The following DLGAP1 variants were observed in gnomAD, a reference collection of about 807,000 sequenced individuals.
DLGAP1 encodes disks large-associated protein 1.
DLGAP1 carries 11 observed loss-of-function variants against 90.8 expected under a neutral mutation model. That is an observed-to-expected ratio of 0.12 (90% CI 0.08 to 0.20). The LOEUF (loss-of-function observed/expected upper bound fraction) is 0.20, where lower values mean the gene tolerates loss of function less well. Among genes scored for constraint, DLGAP1 ranks in the 10% least tolerant of loss-of-function variants. The probability of loss-of-function intolerance (pLI) is 1.00; values close to 1 mark genes in which losing one functional copy is unlikely to be tolerated. For missense variants in DLGAP1, 1,050 were observed against 1,333.8 expected, an observed-to-expected ratio of 0.79 and a Z score of 3.31; for synonymous variants, 558 against 540.7, an observed-to-expected ratio of 1.03 and a Z score of -0.44.
At chr18:3,977,105 C>T (rs1740437675) in intron 3 of DLGAP1, among the ~76,000 whole-genome samples, 1 of 152,114 alleles carries the variant, frequency 6.6e-6, no homozygotes, top group Admixed American at 6.5e-5. Flanking sequence ...GACAGAGTCT[C>T]ACTCTGTCGC....
chr18:3,802,744 G>A (rs570765974), intron 5 of DLGAP1, among the ~76,000 whole-genome samples: 2 of 152,326 alleles, frequency 1.3e-5, no homozygotes, highest in East Asian at 3.9e-4. Context: ...TGGAGACAGA[G>A]CCTTATAGCT....
chr18:4,272,211 T>C (rs192177653), intron 1 of DLGAP1, among the ~76,000 whole-genome samples: 122 of 152,336 alleles, frequency 8.0e-4, no homozygotes, highest in African/African-American at 2.9e-3. Flanking sequence ...TCTACTTCTG[T>C]CATTAAAATT....
At chr18:3,573,413 A>G (rs2054922337) in intron 8 of DLGAP1, among the ~76,000 whole-genome samples, 1 of 152,132 alleles carries the variant, frequency 6.6e-6, no homozygotes, top group African/African-American at 2.4e-5. Context: ...GAGGCAGGAT[A>G]ATTGCTTGAA....
chr18:3,848,577 A>C (rs1418175672), intron 4 of DLGAP1, among the ~76,000 whole-genome samples: 4 of 152,056 alleles, frequency 2.6e-5, no homozygotes, highest in Non-Finnish European at 5.9e-5. Flanking sequence ...TCCCGCCCCC[A>C]TCTCCACCCC....
intron 11 of DLGAP1, 138 bp downstream of exon 11, chr18:3,508,432 A>T: frequency 2.4e-6 from 1 of 418,412 alleles, no homozygotes; most frequent in Non-Finnish European, 4.2e-6. Flanking sequence ...TTCATCAGAA[A>T]ATTCTCTGTT....
chr18:3,615,827 A>G (rs746757025), intron 7 of DLGAP1, among the ~76,000 whole-genome samples: 2 of 152,054 alleles, frequency 1.3e-5, no homozygotes, highest in Non-Finnish European at 2.9e-5. Flanking sequence ...TTGATAAGAG[A>G]ATGCATTTTA....
At chr18:4,186,157 C>A (rs986059728) in intron 1 of DLGAP1, among the ~76,000 whole-genome samples, 1 of 151,864 alleles carries the variant, frequency 6.6e-6, no homozygotes, top group Admixed American at 6.6e-5. Context: ...GTTTAAGTTC[C>A]GTATAGATGC....
chr18:3,871,724 G>C (rs924528219), intron 4 of DLGAP1, among the ~76,000 whole-genome samples: 2 of 152,170 alleles, frequency 1.3e-5, no homozygotes, highest in African/African-American at 4.8e-5. Context: ...CCACTTCATA[G>C]TCATACCTCT....
intron 3 of DLGAP1, chr18:3,978,187 GT>G (rs2073640444): frequency 7.1e-6 from 3 of 422,586 alleles, no homozygotes; most frequent in Non-Finnish European, 1.4e-5. Context: ...CACAGGAGGC[GT>G]TGCCGATGAT....
chr18:4,030,050 T>A (rs974473843), intron 2 of DLGAP1, among the ~76,000 whole-genome samples: 2 of 152,230 alleles, frequency 1.3e-5, no homozygotes, highest in African/African-American at 4.8e-5. Flanking sequence ...TGGAGAGCAG[T>A]GGCGCGATCT....
chr18:4,390,996 C>CA (rs2082329823), intron 1 of DLGAP1, among the ~76,000 whole-genome samples: 3 of 152,146 alleles, frequency 2.0e-5, no homozygotes, highest in Admixed American at 2.0e-4. Context: ...TGGTCATATA[C>CA]CTTAAACACA....
chr18:3,888,554 T>TAA (rs35335361), intron 3 of DLGAP1, among the ~76,000 whole-genome samples: 66 of 141,302 alleles, frequency 4.7e-4, no homozygotes, highest in African/African-American at 1.6e-3. Flanking sequence ...ATGGTATTGT[T>TAA]AAAAAAAAAA....
At chr18:4,283,470 C>T (rs1192237769) in intron 1 of DLGAP1, among the ~76,000 whole-genome samples, 2 of 152,046 alleles carry the variant, frequency 1.3e-5, no homozygotes, top group Non-Finnish European at 2.9e-5. Flanking sequence ...GGGTAAAGGG[C>T]CCTGTAAGAT....
Position 3,499,493 on chromosome 18 carries a change from T to C in DLGAP1, c.2725-99A>G. On this transcript the variant is annotated intron_variant, in intron 12 of 12. Coordinates refer to ENST00000315677, the MANE Select transcript of DLGAP1 (RefSeq NM_004746.4). The surrounding 1 kb of genome is among the most constrained non-coding windows in gnomAD (Gnocchi z 6.4). ...TAGTTAGAACACACAGTTTTTTACC[T>C]AGGGGTGGTTAGTTCTGATCTGCAC... 1 of 1,272,628 alleles carries C rather than the reference T, an allele frequency of 7.9e-7. No homozygotes were observed. The highest frequency in any genetic ancestry group is 1.1e-6 in the Non-Finnish European group (1 of 918,822). 78.8% of individuals were successfully genotyped at this position (1,272,628 alleles called of 1,614,324 possible). A position where few individuals can be genotyped will look rare whatever the true frequency, so the allele number is the denominator to read the frequency against.
intron 9 of DLGAP1, among the ~76,000 whole-genome samples, chr18:3,554,943 T>C (rs1025036235): frequency 1.3e-5 from 2 of 152,176 alleles, no homozygotes; most frequent in South Asian, 2.1e-4. Context: ...TTTTGTTAGG[T>C]TGCTGTCTTT....
intron 1 of DLGAP1, among the ~76,000 whole-genome samples, chr18:4,198,272 C>T (rs2077539893): frequency 6.6e-6 from 1 of 151,860 alleles, no homozygotes; most frequent in African/African-American, 2.4e-5. Flanking sequence ...AATAAAAACA[C>T]CTATCATTGG....
intron 4 of DLGAP1, among the ~76,000 whole-genome samples, chr18:3,866,320 C>T (rs553253656): frequency 3.9e-5 from 6 of 152,064 alleles, no homozygotes; most frequent in African/African-American, 7.2e-5. Flanking sequence ...CAGAGTTTTC[C>T]GATTGATCTC....
At chr18:3,730,050 C>T (rs1395407963) in intron 6 of DLGAP1, among the ~76,000 whole-genome samples, 1 of 152,128 alleles carries the variant, frequency 6.6e-6, no homozygotes, top group Non-Finnish European at 1.5e-5. Context: ...TGAAAAGCAC[C>T]ATCAAGATTT....
At chr18:3,926,262 T>C (rs2072379756) in intron 3 of DLGAP1, among the ~76,000 whole-genome samples, 1 of 152,200 alleles carries the variant, frequency 6.6e-6, no homozygotes, top group Admixed American at 6.5e-5. Context: ...GCAGTATCCC[T>C]GGTTTTTATC....
Sources: gnomAD v4.1 joint callset for allele counts (sites outside exome capture counted in the v4.1 genomes callset) on GRCh38, gnomAD v4.1.1 for gene constraint, Gnocchi (gnomAD v3.1) non-coding constraint, MANE v1.5 for transcripts, NCBI Gene and HGNC (gene_info 2026-07-23, HGNC 2026-07-21) for gene names.